The following SENP6 variants were observed in gnomAD, a reference collection of about 807,000 sequenced individuals.
The protein encoded by SENP6 is SUMO specific peptidase 6, also known as sentrin-specific protease 6.
SENP6 carries 41 observed loss-of-function variants against 134.5 expected under a neutral mutation model. That is an observed-to-expected ratio of 0.30 (90% CI 0.24 to 0.40). The LOEUF is 0.40. SENP6 is among the 10% of genes least tolerant of loss of function. SENP6 has a pLI of 1.00. For synonymous variants in SENP6, 395 were observed against 429.8 expected (o/e 0.92, Z 1.00); for missense variants, 1,248 against 1,312.5 (o/e 0.95, Z 0.76).
chr6:75,637,927 C>G (rs1769652636), intron 5 of SENP6, among the ~76,000 whole-genome samples: 2 of 152,134 alleles, frequency 1.3e-5, no homozygotes, highest in Non-Finnish European at 2.9e-5. Flanking sequence ...GTGGCGTGAT[C>G]TCCACTCACT....
intron 8 of SENP6, among the ~76,000 whole-genome samples, chr6:75,661,532 A>T (rs931355734): frequency 2.0e-5 from 3 of 152,240 alleles, no homozygotes; most frequent in African/African-American, 7.2e-5. Context: ...TGCTGCACAG[A>T]TCATCACATC....
At chr6:75,657,548 G>A (rs950068540) in intron 7 of SENP6, among the ~76,000 whole-genome samples, 17 of 152,044 alleles carry the variant, frequency 1.1e-4, no homozygotes, top group African/African-American at 2.7e-4. Context: ...CTCTTCCTCC[G>A]ACCCCTGTAA....
chr6:75,647,419 A>AC (rs1418912894), intron 6 of SENP6: 1 of 213,372 alleles, frequency 4.7e-6, no homozygotes, highest in Non-Finnish European at 9.5e-6. Context: ...AAGACTAAAT[A>AC]CTTGTTCCAC....
intron 6 of SENP6, among the ~76,000 whole-genome samples, chr6:75,643,653 C>A (rs530823688): frequency 2.6e-5 from 4 of 152,070 alleles, no homozygotes; most frequent in Non-Finnish European, 5.9e-5. Context: ...ACCTGGGAGG[C>A]GAAGGTTGCA....
In SENP6 at chr6:75,670,679, C is replaced by T; in HGVS notation, c.1351C>T (p.Arg451Ter). 3 of 1,612,374 alleles carry T rather than the reference C, an allele frequency of 1.9e-6. No homozygotes were observed. Among genetic ancestry groups the T allele is most frequent in the Non-Finnish European group, 1.7e-6 (2 of 1,179,014 alleles). ...TGTCATTTTAAACTGTCGAAGTATA[C>T]GAGTAGGAACACTCTTCCGGCTGTT... The part of the protein sequence containing the change: ...DSVILNCRSI[R>*]VGTLFRLLIE... The change falls in exon 11 of 24, where the codon CGA becomes TGA. Residue 451 changes from arginine (R) to a stop codon, truncating the protein, a stop_gained. Transcript: ENST00000447266. LOFTEE classifies it high-confidence loss of function.
At chr6:75,647,870 C>T (rs1035728391) in intron 7 of SENP6, 69 bp downstream of exon 7, 25 of 1,197,484 alleles carry the variant, frequency 2.1e-5, no homozygotes, top group Middle Eastern at 1.9e-4. Context: ...AATGGAGATA[C>T]GATGCTGGCT....
rs118156957 is a variant in SENP6, at chr6:75,671,578, C to T, written c.1392+858C>T. ...CTCTACTAAAAATAGAAAAATTAGCCGGGGGCAGTGGCATGTGCCTGTAGT... is the reference window on the plus strand; with the variant it reads ...CTCTACTAAAAATAGAAAAATTAGCTGGGGGCAGTGGCATGTGCCTGTAGT... On this transcript the variant is annotated intron_variant, in intron 11 of 23. Transcript: ENST00000447266. Among the ~76,000 whole-genome samples, 108 of 152,094 alleles carry T rather than the reference C, an allele frequency of 7.1e-4. No homozygotes were observed. The East Asian group carries it at 0.018, about 25-fold the overall frequency.
chr6:75,688,125 G>T (rs62415593), intron 16 of SENP6, among the ~76,000 whole-genome samples: 43,459 of 152,128 alleles, frequency 0.29, 6,789 homozygotes, highest in Middle Eastern at 0.37. Flanking sequence ...CCCCAGTCAG[G>T]CTCCTGTCTC....
At chr6:75,692,537 G>A (rs1218647800) in intron 16 of SENP6, among the ~76,000 whole-genome samples, 2 of 152,000 alleles carry the variant, frequency 1.3e-5, no homozygotes, top group East Asian at 3.9e-4. Flanking sequence ...TGAAGTGAGG[G>A]ATCACTTGAG....
intron 7 of SENP6, among the ~76,000 whole-genome samples, chr6:75,652,859 C>A (rs1046531698): frequency 4.6e-5 from 7 of 152,146 alleles, no homozygotes; most frequent in African/African-American, 1.7e-4. Context: ...ATATTTTCTT[C>A]ATAACTGGTG....
intron 21 of SENP6, 66 bp from the exon 22 acceptor site, chr6:75,713,446 CT>C: frequency 7.7e-7 from 1 of 1,302,420 alleles, no homozygotes; most frequent in Non-Finnish European, 1.1e-6. Flanking sequence ...TAATATGCCA[CT>C]TTTAATCCTT....
chr6:75,661,093 A>G (rs1217598285), intron 8 of SENP6, among the ~76,000 whole-genome samples: 3 of 152,190 alleles, frequency 2.0e-5, no homozygotes, highest in African/African-American at 7.2e-5. Context: ...TTCTCAGTGG[A>G]CAAAGCTAAG....
At chr6:75,652,683 C>CAAAAAAAAA (rs71002754) in intron 7 of SENP6, among the ~76,000 whole-genome samples, 7,787 of 75,454 alleles carry the variant, frequency 0.1, 557 homozygotes, top group African/African-American at 0.19. Flanking sequence ...CTAAAAATCT[C>CAAAAAAAAA]AAAAAAAAAA....
chr6:75,682,626 G>A (rs9447534), intron 16 of SENP6, among the ~76,000 whole-genome samples: 107,482 of 151,846 alleles, frequency 0.71, 38,850 homozygotes, highest in African/African-American at 0.84. Flanking sequence ...TCATTGTTCA[G>A]TTGCCACCTA....
chr6:75,691,252 C>G (rs1012584195), intron 16 of SENP6, among the ~76,000 whole-genome samples: 1 of 151,964 alleles, frequency 6.6e-6, no homozygotes, highest in Non-Finnish European at 1.5e-5. Flanking sequence ...AAGTGATCCT[C>G]CTGCCTCAGC....
intron 1 of SENP6, among the ~76,000 whole-genome samples, chr6:75,613,083 C>A (rs1450771310): frequency 6.6e-6 from 1 of 151,236 alleles, no homozygotes; most frequent in Non-Finnish European, 1.5e-5. Flanking sequence ...CACTGCACTC[C>A]AGCCTGCGTG....
At chr6:75,635,224 G>A (rs1029619559) in intron 5 of SENP6, among the ~76,000 whole-genome samples, 1 of 152,126 alleles carries the variant, frequency 6.6e-6, no homozygotes, top group African/African-American at 2.4e-5. Context: ...AGTTTTAAAT[G>A]TTGGAGAAAA....
chr6:75,692,499 G>A (rs1325960333), intron 16 of SENP6, among the ~76,000 whole-genome samples: 1 of 152,022 alleles, frequency 6.6e-6, no homozygotes, highest in Non-Finnish European at 1.5e-5. Context: ...TGGTAGTGCA[G>A]GCCTGTGGTC....
intron 16 of SENP6, among the ~76,000 whole-genome samples, chr6:75,693,409 T>TAAAA (rs534341760): frequency 2.0e-4 from 25 of 123,974 alleles, no homozygotes; most frequent in African/African-American, 6.1e-4. Context: ...GTCTGAAATT[T>TAAAA]AAAAAAAAAA....
Sources: gnomAD v4.1 joint callset for allele counts (sites outside exome capture counted in the v4.1 genomes callset) on GRCh38, gnomAD v4.1.1 for gene constraint, MANE v1.5 for transcripts, NCBI Gene and HGNC (gene_info 2026-07-23, HGNC 2026-07-21) for gene names.